CSMD1: variants seen among roughly 807,000 people sequenced by gnomAD.
CSMD1 encodes the protein CUB and sushi domain-containing protein 1.
CSMD1 carries 213 observed loss-of-function variants against 417.5 expected under a neutral mutation model. That is an observed-to-expected ratio of 0.51 (90% CI 0.46 to 0.57). The LOEUF is 0.57. Ranked by LOEUF, CSMD1 falls within the 20% of genes least tolerant of loss-of-function variation. CSMD1 has a pLI of 0.00. For synonymous variants in CSMD1, 2,862 were observed against 1,736.8 expected (o/e 1.65, Z -16.11); for missense variants, 6,923 against 4,529.7 (o/e 1.53, Z -15.17).
At chr8:3,118,075 C>G (rs1044053718) in intron 42 of CSMD1, among the ~76,000 whole-genome samples, 1 of 152,200 alleles carries the variant, frequency 6.6e-6, no homozygotes, top group African/African-American at 2.4e-5. Context: ...TAAAGCTGAA[C>G]GCTGCTGACT....
intron 7 of CSMD1, among the ~76,000 whole-genome samples, chr8:3,648,404 G>T (rs58737292): frequency 6.6e-6 from 1 of 152,174 alleles, no homozygotes; most frequent in Non-Finnish European, 1.5e-5. Context: ...CATGCTGCCT[G>T]CTGCACTAAT....
At chr8:4,716,774 G>T (rs940429910) in intron 1 of CSMD1, among the ~76,000 whole-genome samples, 1 of 152,136 alleles carries the variant, frequency 6.6e-6, no homozygotes, top group African/African-American at 2.4e-5. Context: ...AAGTGTGGCA[G>T]GAAAGAAATC....
At chr8:4,555,874 CTT>C (rs1798066859) in intron 2 of CSMD1, among the ~76,000 whole-genome samples, 1 of 151,966 alleles carries the variant, frequency 6.6e-6, no homozygotes, top group Admixed American at 6.6e-5. Context: ...ACTGAAAAGA[CTT>C]TCTTTAAAAA....
At chr8:4,955,073 G>A (rs1043120166) in intron 1 of CSMD1, among the ~76,000 whole-genome samples, 1 of 152,062 alleles carries the variant, frequency 6.6e-6, no homozygotes, top group Non-Finnish European at 1.5e-5. Flanking sequence ...TCTCAAAATA[G>A]GCTCTGGAAC....
At chr8:3,028,702 G>A (rs1266989353) in intron 51 of CSMD1, among the ~76,000 whole-genome samples, 1 of 152,130 alleles carries the variant, frequency 6.6e-6, no homozygotes, top group Admixed American at 6.5e-5. Flanking sequence ...TTCTTACCAA[G>A]CTGTGTATTT....
Position 4,071,337 on chromosome 8 carries a change from A to T in CSMD1, c.416-39238T>A, listed in dbSNP as rs575583534. On this transcript the variant is annotated intron_variant, in intron 3 of 69. Transcript: ENST00000635120. ...AGATAATTTCCATTGGACTAACATC[A>T]TCAAGCTCCCTAACTCTTATGTCAT... 5.3e-5 allele frequency among the ~76,000 whole-genome samples: 8 copies of T among 152,260 alleles called. No individual in the cohort carries two copies. In the South Asian group the frequency reaches 1.5e-3, roughly 28 times the overall value.
chr8:3,583,423 G>A (rs532555385), intron 9 of CSMD1, among the ~76,000 whole-genome samples: 7 of 151,874 alleles, frequency 4.6e-5, no homozygotes, highest in Non-Finnish European at 7.4e-5. Flanking sequence ...ACTCTTGATG[G>A]GACTTGGAAA....
At chr8:3,164,232 G>T (rs1169914223) in intron 37 of CSMD1, among the ~76,000 whole-genome samples, 1 of 152,160 alleles carries the variant, frequency 6.6e-6, no homozygotes, top group Non-Finnish European at 1.5e-5. Context: ...GTAATGTCAG[G>T]CCACAGAACC....
At chr8:4,713,731 T>A (rs536180013) in intron 1 of CSMD1, among the ~76,000 whole-genome samples, 1 of 152,162 alleles carries the variant, frequency 6.6e-6, no homozygotes, top group Admixed American at 6.5e-5. Context: ...ACCCCAAACC[T>A]GGCCCCTGAG....
chr8:4,565,773 T>TGTATAC (rs1798574686), intron 2 of CSMD1, among the ~76,000 whole-genome samples: 3 of 34,260 alleles, frequency 8.8e-5, no homozygotes, highest in Admixed American at 2.7e-4. Context: ...TATATATATA[T>TGTATAC]ATATATATAT....
At chr8:4,051,756 G>C (rs866736273) in intron 3 of CSMD1, among the ~76,000 whole-genome samples, 12 of 152,140 alleles carry the variant, frequency 7.9e-5, no homozygotes, top group Non-Finnish European at 1.6e-4. Flanking sequence ...CACCACTGCT[G>C]GTTTTGGTAG....
intron 1 of CSMD1, among the ~76,000 whole-genome samples, chr8:4,650,294 T>C (rs2724993): frequency 1.4e-5 from 2 of 145,966 alleles, no homozygotes; most frequent in Non-Finnish European, 3.0e-5. Flanking sequence ...GCAGTGAGCC[T>C]AGATGGTGCC....
intron 1 of CSMD1, among the ~76,000 whole-genome samples, chr8:4,813,638 G>A (rs956023367): frequency 6.6e-6 from 1 of 152,212 alleles, no homozygotes; most frequent in Non-Finnish European, 1.5e-5. Context: ...CTCCAGAGCT[G>A]TAATAACATC....
intron 3 of CSMD1, among the ~76,000 whole-genome samples, chr8:4,377,209 A>G (rs186718547): frequency 1.3e-4 from 20 of 152,332 alleles, no homozygotes; most frequent in African/African-American, 4.8e-4. Context: ...AAGGGCTGAG[A>G]GCGCAAAAGA....
chr8:4,608,567 C>T (rs946271918), intron 2 of CSMD1, among the ~76,000 whole-genome samples: 2 of 152,182 alleles, frequency 1.3e-5, no homozygotes, highest in African/African-American at 2.4e-5. Context: ...TCTGCTCCAT[C>T]GTCAAGATAA....
chr8:3,466,868 T>A (rs545240977), intron 12 of CSMD1, among the ~76,000 whole-genome samples: 39 of 152,350 alleles, frequency 2.6e-4, no homozygotes, highest in Non-Finnish European at 4.4e-4. Context: ...TCTGGAAATA[T>A]GCATTTTTAG....
intron 57 of CSMD1, among the ~76,000 whole-genome samples, chr8:2,969,885 G>C (rs1804293810): frequency 6.6e-6 from 1 of 152,108 alleles, no homozygotes; most frequent in African/African-American, 2.4e-5. Context: ...ATATATTGCA[G>C]TGGGCTTATT....
Position 3,962,779 on chromosome 8 carries a change from T to C in CSMD1, c.818+35124A>G, listed in dbSNP as rs549550937. ...GAGGCTGGCATCTATGTTTCCACAA[T>C]ATTCATATTTTTAAAAACATTGAGG... On this transcript the variant is annotated intron_variant, in intron 5 of 69. Coordinates refer to ENST00000635120, the MANE Select transcript of CSMD1 (RefSeq NM_033225.6). Among the ~76,000 whole-genome samples, 124 of 152,266 alleles carry C rather than the reference T, an allele frequency of 8.1e-4. 1 individual carries two copies. The Middle Eastern group carries it at 0.01, about 13-fold the overall frequency.
intron 5 of CSMD1, among the ~76,000 whole-genome samples, chr8:3,758,557 T>C (rs1797804914): frequency 6.6e-6 from 1 of 152,218 alleles, no homozygotes; most frequent in Admixed American, 6.5e-5. Flanking sequence ...GTTGATGCTA[T>C]AAACTCAGTT....
Sources: gnomAD v4.1 joint callset for allele counts (sites outside exome capture counted in the v4.1 genomes callset) on GRCh38, gnomAD v4.1.1 for gene constraint, MANE v1.5 for transcripts, NCBI Gene and HGNC (gene_info 2026-07-23, HGNC 2026-07-21) for gene names.